The following ZNF521 variants were observed in gnomAD, a reference collection of about 807,000 sequenced individuals.
ZNF521 encodes LYST-interacting protein 3.
In ZNF521, 14 loss-of-function variants were observed where a neutral mutation model predicts 105.5. The observed-to-expected ratio is 0.13, with a 90% CI of 0.09 to 0.21. ZNF521 has a LOEUF of 0.21. Among genes scored for constraint, ZNF521 ranks in the 10% least tolerant of loss-of-function variants. The pLI is 1.00. For missense variants in ZNF521, 1,233 were observed against 1,629.7 expected (o/e 0.76, Z 4.19); for synonymous variants, 635 against 606.0 (o/e 1.05, Z -0.70).
At chr18:25,183,465 T>C (rs2035667437) in intron 5 of ZNF521, among the ~76,000 whole-genome samples, 1 of 152,112 alleles carries the variant, frequency 6.6e-6, no homozygotes, top group Non-Finnish European at 1.5e-5. Context: ...AGGTATTCAG[T>C]AGGTGTGAAT....
intron 5 of ZNF521, among the ~76,000 whole-genome samples, chr18:25,155,472 G>A (rs985766820): frequency 6.6e-6 from 1 of 152,036 alleles, no homozygotes; most frequent in Non-Finnish European, 1.5e-5. Flanking sequence ...TTTTTAGTGT[G>A]ATATCCAAGA....
chr18:25,148,991 GA>G (rs1333990437), intron 5 of ZNF521, among the ~76,000 whole-genome samples: 1 of 152,066 alleles, frequency 6.6e-6, no homozygotes. Context: ...CAAATGTACA[GA>G]AGAGGAACTG....
At chr18:25,078,096 G>A (rs2033407144) in intron 7 of ZNF521, among the ~76,000 whole-genome samples, 1 of 152,140 alleles carries the variant, frequency 6.6e-6, no homozygotes, top group South Asian at 2.1e-4. Flanking sequence ...CTTTCCACAG[G>A]GCCCCCGCTG....
intron 3 of ZNF521, among the ~76,000 whole-genome samples, chr18:25,310,228 T>C (rs531105096): frequency 6.6e-6 from 1 of 152,278 alleles, no homozygotes; most frequent in African/African-American, 2.4e-5. Flanking sequence ...TCAAGACTAA[T>C]TGGAATTTTT....
chr18:25,236,392 C>T (rs544849577), intron 3 of ZNF521, among the ~76,000 whole-genome samples: 4 of 152,028 alleles, frequency 2.6e-5, no homozygotes, highest in South Asian at 4.2e-4. Flanking sequence ...AAAAATTAGC[C>T]GGGCGTGGTG....
chr18:25,254,304 G>A (rs1196975371), intron 3 of ZNF521, among the ~76,000 whole-genome samples: 3 of 152,074 alleles, frequency 2.0e-5, no homozygotes, highest in African/African-American at 7.2e-5. Context: ...GTAGAAGCAT[G>A]TACACTATCT....
chr18:25,206,137 A>G (rs371763186), intron 4 of ZNF521, among the ~76,000 whole-genome samples: 48 of 152,090 alleles, frequency 3.2e-4, no homozygotes, highest in African/African-American at 1.2e-3. Flanking sequence ...CCGAGTAGCT[A>G]AGACTACAGG....
chr18:25,098,389 C>G (rs186335761), intron 5 of ZNF521, among the ~76,000 whole-genome samples: 2 of 152,102 alleles, frequency 1.3e-5, no homozygotes, highest in African/African-American at 4.8e-5. Flanking sequence ...GTTGAAGTCT[C>G]AGAGAAAACA....
chr18:25,157,296 T>G lies in ZNF521; in HGVS notation c.3658+37864A>C, dbSNP rs560354672. ...TGTTGCTACATATCTGATGGAGGGTTTAAAATGTAAAATGTCTGTTTAAAA... is the reference window on the plus strand; with the variant it reads ...TGTTGCTACATATCTGATGGAGGGTGTAAAATGTAAAATGTCTGTTTAAAA... On this transcript the variant is annotated intron_variant, in intron 5 of 7. Transcript: ENST00000361524. Among the ~76,000 whole-genome samples, 7 of 152,340 alleles carry G rather than the reference T, an allele frequency of 4.6e-5. No individual in the cohort carries two copies. In the East Asian group the frequency reaches 1.3e-3, roughly 29 times the overall value.
At chr18:25,148,614 A>G (rs1808274123) in intron 5 of ZNF521, among the ~76,000 whole-genome samples, 1 of 152,176 alleles carries the variant, frequency 6.6e-6, no homozygotes, top group African/African-American at 2.4e-5. Context: ...GTTTATTTCC[A>G]GATACCCTGA....
rs551028144 is a variant in ZNF521 at position 25,322,985 on chromosome 18, C to T, written c.41-798G>A. Among the ~76,000 whole-genome samples, 5 of 151,988 alleles carry T rather than the reference C, an allele frequency of 3.3e-5. No individual in the cohort carries two copies. In the East Asian group the frequency reaches 5.8e-4, roughly 18 times the overall value. ...AACAGCAGGGAGAGATGTGGGGGTGCGGGGAGAGAAAAGCACGTGGAATGC... is the reference window on the plus strand; with the variant it reads ...AACAGCAGGGAGAGATGTGGGGGTGTGGGGAGAGAAAAGCACGTGGAATGC... On this transcript the variant is annotated intron_variant, in intron 2 of 7. Transcript: ENST00000361524.
intron 7 of ZNF521, among the ~76,000 whole-genome samples, chr18:25,085,685 A>G (rs1325577038): frequency 4.0e-5 from 6 of 149,306 alleles, no homozygotes; most frequent in African/African-American, 1.5e-4. Flanking sequence ...GTGTGTGTGT[A>G]TACATATATG....
intron 4 of ZNF521, among the ~76,000 whole-genome samples, chr18:25,214,371 C>T (rs1464664159): frequency 6.6e-6 from 1 of 152,014 alleles, no homozygotes; most frequent in Non-Finnish European, 1.5e-5. Context: ...TTTACTGATT[C>T]ATCTCACCAG....
intron 3 of ZNF521, among the ~76,000 whole-genome samples, chr18:25,310,110 G>C (rs2145103817): frequency 1.3e-5 from 2 of 152,102 alleles, no homozygotes; most frequent in East Asian, 3.9e-4. Context: ...TCCCACAGCA[G>C]AAAACCAACA....
At chr18:25,167,968 G>A (rs1429114407) in intron 5 of ZNF521, among the ~76,000 whole-genome samples, 1 of 152,178 alleles carries the variant, frequency 6.6e-6, no homozygotes, top group Admixed American at 6.5e-5. Context: ...GCATAAAAGA[G>A]GGTATGCACA....
At position 25,189,190 on chromosome 18, in the gene ZNF521, T is replaced by A. The variant is rs369802562; in HGVS notation, c.3658+5970A>T. Among the ~76,000 whole-genome samples the A allele has an allele frequency of 1.6e-4, 24 of 152,280 alleles. No individual in the cohort carries two copies. In the South Asian group the frequency reaches 5.0e-3, roughly 32 times the overall value. On this transcript the variant is annotated intron_variant, in intron 5 of 7. Transcript: ENST00000361524. Reference sequence around the variant, plus strand: ...CATTTTTCTTTGAGTTTCTTTTAAATTGTCTTTGTTTTTAGGAAGGCTGAT... The same window carrying A: ...CATTTTTCTTTGAGTTTCTTTTAAAATGTCTTTGTTTTTAGGAAGGCTGAT...
At chr18:25,087,674 AT>A (rs1358502048) in intron 7 of ZNF521, among the ~76,000 whole-genome samples, 6 of 152,180 alleles carry the variant, frequency 3.9e-5, no homozygotes, top group Non-Finnish European at 8.8e-5. Flanking sequence ...AAAATGTAGT[AT>A]TTTTTTCAAA....
chr18:25,262,139 T>C (rs1048349552), intron 3 of ZNF521, among the ~76,000 whole-genome samples: 1 of 152,190 alleles, frequency 6.6e-6, no homozygotes, highest in Non-Finnish European at 1.5e-5. Flanking sequence ...TTATGTCTTA[T>C]GTCATCTTTC....
intron 3 of ZNF521, among the ~76,000 whole-genome samples, chr18:25,262,189 C>A (rs8091632): frequency 0.46 from 70,609 of 151,870 alleles, 18,142 homozygotes; most frequent in African/African-American, 0.7. Flanking sequence ...GGCCCTCCCA[C>A]AAGACCTGCT....
Sources: allele counts gnomAD v4.1 joint callset (sites outside exome capture counted in the v4.1 genomes callset), GRCh38; gene constraint gnomAD v4.1.1; transcripts MANE v1.5; gene names NCBI Gene and HGNC (gene_info 2026-07-23, HGNC 2026-07-21).